TMEM9B: variants seen among roughly 807,000 people sequenced by gnomAD.
TMEM9B encodes transmembrane protein 9B.
TMEM9B carries 8 observed loss-of-function variants against 23.5 expected under a neutral mutation model. The ratio of observed to expected loss-of-function variants is 0.34; its 90% CI spans 0.20 to 0.61. The LOEUF is 0.61. TMEM9B is among the 20% of genes least tolerant of loss of function. The pLI is 0.78. For missense variants in TMEM9B, 197 were observed against 252.3 expected, an observed-to-expected ratio of 0.78 and a Z score of 1.49; for synonymous variants, 106 against 96.3, an observed-to-expected ratio of 1.10 and a Z score of -0.59.
chr11:8,961,941 C>G (rs1854090762), intron 2 of TMEM9B, 151 bp downstream of exon 2: 1 of 549,058 alleles, frequency 1.8e-6, no homozygotes, highest in Non-Finnish European at 3.1e-6. Context: ...TAGGGCCTCA[C>G]TCTCACTTTT....
At chr11:8,958,146 C>G (rs1487935285) in intron 2 of TMEM9B, among the ~76,000 whole-genome samples, 4 of 86,652 alleles carry the variant, frequency 4.6e-5, no homozygotes, top group Admixed American at 1.6e-4. Context: ...GCAATGACAG[C>G]GAAACTCCGT....
At chr11:8,963,995 G>A (rs1163223236) in intron 1 of TMEM9B, 2 of 565,538 alleles carry the variant, frequency 3.5e-6, no homozygotes, top group East Asian at 3.1e-5. Context: ...GACGACCGTG[G>A]GGCGCTGCCT....
chr11:8,956,422 TAATC>T (rs1375932098), intron 2 of TMEM9B, 124 bp from the exon 3 acceptor site: 6 of 662,610 alleles, frequency 9.1e-6, no homozygotes, highest in East Asian at 2.8e-5. Flanking sequence ...AAAAAACAAA[TAATC>T]AATAAGATAA....
rs1220385289 is a variant in TMEM9B at position 8,953,282 on chromosome 11, T to A, written c.362A>T (p.Tyr121Phe). The A allele has an allele frequency of 6.2e-7, 1 of 1,613,952 alleles. No individual in the cohort carries two copies. The highest frequency in any genetic ancestry group is 1.3e-5 in the African/African-American group (1 of 74,878). Residue 121 changes from tyrosine to phenylalanine, a missense_variant, in exon 4 of 5, where the codon TAT (tyrosine) becomes TTT (phenylalanine). By Grantham distance (22) the Tyr-to-Phe change is conservative. Coordinates refer to ENST00000534025, the MANE Select transcript of TMEM9B (RefSeq NM_020644.3). ...CAGTATGGGCTCAACCAGAGTAAGA[T>A]ATACCATGTACAGAAGTAGAAGGCC... ...ILGLLLLYMV[Y>F]LTLVEPILKR...
intron 2 of TMEM9B, among the ~76,000 whole-genome samples, chr11:8,959,897 C>T (rs1854044190): frequency 6.6e-6 from 1 of 152,146 alleles, no homozygotes; most frequent in African/African-American, 2.4e-5. Context: ...ATGAAAGGCC[C>T]AGAAAACAAA....
At chr11:8,964,151 C>T in intron 1 of TMEM9B, 58 bp downstream of exon 1, 1 of 1,522,304 alleles carries the variant, frequency 6.6e-7, no homozygotes. Flanking sequence ...ACCCAGTTTC[C>T]GCAAGGCCGG....
At chr11:8,951,852 T>C (rs914870622) in intron 4 of TMEM9B, among the ~76,000 whole-genome samples, 2 of 151,686 alleles carry the variant, frequency 1.3e-5, no homozygotes, top group Non-Finnish European at 2.9e-5. Flanking sequence ...ACACCTGTAA[T>C]CCCAGCACTT....
intron 2 of TMEM9B, among the ~76,000 whole-genome samples, chr11:8,959,990 G>A (rs2163625): frequency 0.58 from 87,360 of 151,912 alleles, 25,742 homozygotes; most frequent in East Asian, 0.74. Context: ...TGCCTGCCCC[G>A]TAAAGTCAGT....
intron 2 of TMEM9B, among the ~76,000 whole-genome samples, chr11:8,959,925 G>A (rs1389475310): frequency 6.6e-6 from 1 of 152,110 alleles, no homozygotes; most frequent in African/African-American, 2.4e-5. Flanking sequence ...ACTATATCTA[G>A]GCCCTCACAG....
chr11:8,959,531 T>C (rs559003492), intron 2 of TMEM9B, among the ~76,000 whole-genome samples: 1 of 152,354 alleles, frequency 6.6e-6, no homozygotes, highest in East Asian at 1.9e-4. Flanking sequence ...TTCAGAAGCT[T>C]TGGCAACAAT....
chr11:8,956,501 AAGTCACAC>A (rs1853977114), intron 2 of TMEM9B, among the ~76,000 whole-genome samples: 1 of 152,148 alleles, frequency 6.6e-6, no homozygotes, highest in African/African-American at 2.4e-5. Context: ...AGAAGCCACA[AAGTCACAC>A]ATATAGTAGT....
intron 4 of TMEM9B, chr11:8,952,688 G>A (rs1454736743): frequency 5.7e-6 from 1 of 176,462 alleles, no homozygotes; most frequent in African/African-American, 2.4e-5. Context: ...TGGGATTACA[G>A]GTGTATGCCC....
At chr11:8,959,729 C>A (rs999470565) in intron 2 of TMEM9B, among the ~76,000 whole-genome samples, 3 of 152,120 alleles carry the variant, frequency 2.0e-5, no homozygotes, top group Admixed American at 2.0e-4. Context: ...CAGAGGTTAA[C>A]CACTTAAGGA....
intron 2 of TMEM9B, among the ~76,000 whole-genome samples, chr11:8,959,334 A>T (rs1854033127): frequency 1.3e-5 from 2 of 152,200 alleles, no homozygotes; most frequent in South Asian, 4.1e-4. Flanking sequence ...GCTACACAGG[A>T]GGCTGAGGCT....
intron 4 of TMEM9B, among the ~76,000 whole-genome samples, chr11:8,949,242 G>A (rs1853832733): frequency 6.6e-6 from 1 of 152,256 alleles, no homozygotes; most frequent in African/African-American, 2.4e-5. Flanking sequence ...GGTTGCCCAG[G>A]TATCTGTATA....
chr11:8,948,088 C>A lies in TMEM9B; in HGVS notation c.*232G>T. 2.5e-6 allele frequency: 1 copy of A among 392,752 alleles called. No homozygotes were observed. Among genetic ancestry groups the A allele is most frequent in the South Asian group, 5.4e-5 (1 of 18,550 alleles). 24.3% of individuals were successfully genotyped at this position (392,752 alleles called of 1,614,324 possible). A position where few individuals can be genotyped will look rare whatever the true frequency, so the allele number is the denominator to read the frequency against. ...CAGATTTATTTTTATTAGTAAAAGT[C>A]ACAAATAGGAAAAGACTTATTGGCT... On this transcript the variant is annotated 3_prime_UTR_variant, in exon 5 of 5. Transcript: ENST00000534025.
chr11:8,964,739 C>G (rs1340671807), upstream of TMEM9B: 2 of 174,936 alleles, frequency 1.1e-5, no homozygotes, highest in East Asian at 3.6e-4. Flanking sequence ...ACAGTCGCCT[C>G]TGGCGACCCG....
chr11:8,959,849 A>G (rs758619249), intron 2 of TMEM9B, among the ~76,000 whole-genome samples: 1 of 152,264 alleles, frequency 6.6e-6, no homozygotes, highest in Non-Finnish European at 1.5e-5. Flanking sequence ...GTCAGCCAGC[A>G]TAAGTCAATG....
chr11:8,950,461 C>T (rs1403411127), intron 4 of TMEM9B, among the ~76,000 whole-genome samples: 1 of 152,134 alleles, frequency 6.6e-6, no homozygotes, highest in African/African-American at 2.4e-5. Context: ...GGCAGAGGAC[C>T]TCTCAGTTGC....
Sources: gnomAD v4.1 joint callset for allele counts (sites outside exome capture counted in the v4.1 genomes callset) on GRCh38, gnomAD v4.1.1 for gene constraint, MANE v1.5 for transcripts, NCBI Gene and HGNC (gene_info 2026-07-23, HGNC 2026-07-21) for gene names.